Variants in PLPP3 observed in about 807,000 individuals in gnomAD.
PLPP3 encodes PAP2 beta.
A neutral mutation model predicts 29.6 loss-of-function variants in PLPP3; 6 were observed. The observed-to-expected ratio is 0.20, with a 90% CI of 0.11 to 0.40. PLPP3 has a LOEUF of 0.40. Ranked by LOEUF, PLPP3 falls within the 10% of genes least tolerant of loss-of-function variation. The pLI is 1.00. For synonymous variants in PLPP3, 152 were observed against 159.7 expected, an observed-to-expected ratio of 0.95 and a Z score of 0.36; for missense variants, 308 against 407.7, an observed-to-expected ratio of 0.76 and a Z score of 2.11.
rs1645628996 is a variant in PLPP3 at position 56,496,028 on chromosome 1, C to T, written c.*523G>A. On this transcript the variant is annotated 3_prime_UTR_variant, in exon 6 of 6. Transcript: ENST00000371250. ...CTAGATTCGGGATCTGATCACTTGA[C>T]TGAGCAAACTTGCTCTTTCCTTTTA... The T allele has an allele frequency of 6.5e-6, 1 of 153,628 alleles. No homozygotes were observed. The highest frequency in any genetic ancestry group is 1.5e-5 in the Non-Finnish European group (1 of 68,768). 9.5% of individuals were successfully genotyped at this position (153,628 alleles called of 1,614,324 possible).
At position 56,512,088 on chromosome 1, in the gene PLPP3, G is replaced by T. The variant is rs1210159493; in HGVS notation, c.698C>A (p.Thr233Asn). The change falls in exon 5 of 6, where the codon ACC becomes AAC. Residue 233 changes from threonine (T) to asparagine (N), a missense_variant. Thr to Asn is a moderately conservative substitution (Grantham distance 65, BLOSUM62 0). Around this residue, in one of 3 missense-constraint regions of PLPP3, gnomAD observed 232 missense variants for 317.2 expected, o/e 0.73. Transcript: ENST00000371250. The part of the protein sequence containing the change: ...ARLLRPLLQF[T>N]LIMMAFYTGL... The stretch of plus-strand genomic sequence containing the variant: ...CGTGTAGAAGGCCATCATGATCAAG[G>T]TGAACTGCAGGAGGGGCCGGAGCAG... 1.5e-5 allele frequency: 24 copies of T among 1,613,090 alleles called. No homozygotes were observed. Among genetic ancestry groups the T allele is most frequent in the Non-Finnish European group, 1.9e-5 (23 of 1,179,672 alleles).
At position 56,532,531 on chromosome 1, in the gene PLPP3, T is replaced by C. The variant is rs558272870; in HGVS notation, c.297+4424A>G. Among the ~76,000 whole-genome samples, 3 of 152,294 alleles carry C rather than the reference T, an allele frequency of 2.0e-5. 1 individual carries two copies. In the South Asian group the frequency reaches 6.2e-4, roughly 32 times the overall value. ...ATGTGGGCAAAGTGAAGCATGATACTGAATAAACAAGTCTTGCAGGTACTA... is the reference window on the plus strand; with the variant it reads ...ATGTGGGCAAAGTGAAGCATGATACCGAATAAACAAGTCTTGCAGGTACTA... On this transcript the variant is annotated intron_variant, in intron 2 of 5. Coordinates refer to ENST00000371250, the MANE Select transcript of PLPP3 (RefSeq NM_003713.5).
chr1:56,518,715 T>TTATATATATATATATC (rs1645799037), intron 4 of PLPP3, among the ~76,000 whole-genome samples: 1 of 126,670 alleles, frequency 7.9e-6, no homozygotes, highest in African/African-American at 2.8e-5. Context: ...TTTTAATCAT[T>TTATATATATATATATC]TATATATATA....
At chr1:56,538,240 C>T (rs1645941316) in intron 1 of PLPP3, among the ~76,000 whole-genome samples, 1 of 152,158 alleles carries the variant, frequency 6.6e-6, no homozygotes, top group Non-Finnish European at 1.5e-5. Context: ...AGTAAGCCTC[C>T]AAGAAACCAG....
At chr1:56,553,768 T>G (rs1277886003) in intron 1 of PLPP3, among the ~76,000 whole-genome samples, 1 of 152,216 alleles carries the variant, frequency 6.6e-6, no homozygotes, top group Non-Finnish European at 1.5e-5. Flanking sequence ...TATACAGTTG[T>G]GTATGTGGAT....
intron 4 of PLPP3, chr1:56,516,800 CTGAT>C (rs1395804859): frequency 6.7e-6 from 1 of 150,148 alleles, no homozygotes. Context: ...AAAAAAATTG[CTGAT>C]TGTGGATATG....
At chr1:56,565,363 CAAACAG>C (rs1446010414) in intron 1 of PLPP3, among the ~76,000 whole-genome samples, 1 of 150,362 alleles carries the variant, frequency 6.7e-6, no homozygotes, top group Non-Finnish European at 1.5e-5. Context: ...AAAAGGGTCA[CAAACAG>C]AGTGACCCAT....
chr1:56,517,448 G>A (rs1645789099), intron 4 of PLPP3, among the ~76,000 whole-genome samples: 1 of 152,210 alleles, frequency 6.6e-6, no homozygotes, highest in African/African-American at 2.4e-5. Flanking sequence ...CCACCATTTT[G>A]CTGAGCATTG....
At chr1:56,498,747 C>T (rs1645646291) in intron 5 of PLPP3, among the ~76,000 whole-genome samples, 1 of 152,046 alleles carries the variant, frequency 6.6e-6, no homozygotes, top group South Asian at 2.1e-4. Flanking sequence ...GATTCTCCCG[C>T]CTCAGCCTCC....
intron 4 of PLPP3, among the ~76,000 whole-genome samples, chr1:56,519,349 ATAAC>A (rs1190640248): frequency 6.6e-6 from 1 of 152,152 alleles, no homozygotes; most frequent in African/African-American, 2.4e-5. Context: ...AGTCCGTAAT[ATAAC>A]CTACATATCC....
chr1:56,556,952 GAGAAAGAAAGAA>G (rs1176222349), intron 1 of PLPP3, among the ~76,000 whole-genome samples: 3 of 55,422 alleles, frequency 5.4e-5, no homozygotes, highest in African/African-American at 1.6e-4. Context: ...GAGAGACAGA[GAGAAAGAAAGAA>G]AGAAAGAAAG....
At chr1:56,532,487 A>T (rs1645896394) in intron 2 of PLPP3, among the ~76,000 whole-genome samples, 1 of 152,080 alleles carries the variant, frequency 6.6e-6, no homozygotes, top group African/African-American at 2.4e-5. Flanking sequence ...AGGGGTGGGG[A>T]GGAACTAATG....
chr1:56,559,715 T>C (rs1646108530), intron 1 of PLPP3, among the ~76,000 whole-genome samples: 1 of 152,212 alleles, frequency 6.6e-6, no homozygotes, highest in South Asian at 2.1e-4. Flanking sequence ...TGGTATTTAC[T>C]GGATTTGAAC....
intron 2 of PLPP3, among the ~76,000 whole-genome samples, chr1:56,526,609 G>T (rs1189264503): frequency 6.6e-6 from 1 of 152,106 alleles, no homozygotes; most frequent in African/African-American, 2.4e-5. Context: ...TATGCAGGAG[G>T]AAGAGCACTG....
intron 2 of PLPP3, among the ~76,000 whole-genome samples, chr1:56,526,405 GA>G (rs1645853292): frequency 6.6e-6 from 1 of 152,152 alleles, no homozygotes; most frequent in African/African-American, 2.4e-5. Flanking sequence ...CCCATCTAAA[GA>G]TTAAACCCAG....
At chr1:56,516,614 G>A (rs1645782614) in intron 4 of PLPP3, among the ~76,000 whole-genome samples, 1 of 151,884 alleles carries the variant, frequency 6.6e-6, no homozygotes, top group Non-Finnish European at 1.5e-5. Flanking sequence ...GAAGGCCTCT[G>A]GGCTAGAGAA....
intron 5 of PLPP3, among the ~76,000 whole-genome samples, chr1:56,509,463 G>C (rs982886236): frequency 2.0e-5 from 3 of 152,120 alleles, no homozygotes; most frequent in Admixed American, 2.0e-4. Context: ...TTAGCTCTCT[G>C]ACCCTGGATG....
chr1:56,501,937 T>A (rs1426606025), intron 5 of PLPP3, among the ~76,000 whole-genome samples: 1 of 152,230 alleles, frequency 6.6e-6, no homozygotes, highest in Non-Finnish European at 1.5e-5. Context: ...TCTAGAGCTA[T>A]CTTTGGCCAA....
rs945579050 is a variant in PLPP3, at chr1:56,496,596, T to A, written c.891A>T (p.Ser297=). ...PAPAIRKEIL[S]PVDIIDRNNH... is the part of the protein sequence containing the mutation. ...TGTTCCTGTCAATAATGTCCACAGGTGAAAGGATTTCCTTCCGGATAGCAG... is the reference window on the plus strand; with the variant it reads ...TGTTCCTGTCAATAATGTCCACAGGAGAAAGGATTTCCTTCCGGATAGCAG... The change falls in exon 6 of 6, where the codon TCA becomes TCT. Residue 297 remains serine, a synonymous_variant. Coordinates refer to ENST00000371250, the MANE Select transcript of PLPP3 (RefSeq NM_003713.5). 6.2e-7 allele frequency: 1 copy of A among 1,613,918 alleles called. No homozygotes were observed. The highest frequency in any genetic ancestry group is 1.3e-5 in the African/African-American group (1 of 74,880).
Sources: allele counts gnomAD v4.1 joint callset (sites outside exome capture counted in the v4.1 genomes callset), GRCh38; gene constraint gnomAD v4.1.1; regional missense constraint gnomAD v4.1.1; transcripts MANE v1.5; gene names NCBI Gene and HGNC (gene_info 2026-07-23, HGNC 2026-07-21).